Variants in GPR39 observed in about 807,000 individuals in gnomAD.
GPR39 encodes zinc sensing receptor.
GPR39 carries 23 observed loss-of-function variants against 18.4 expected under a neutral mutation model. The ratio of observed to expected loss-of-function variants is 1.25; its 90% CI spans 0.90 to 1.77. The LOEUF (loss-of-function observed/expected upper bound fraction) is 1.77. Among genes scored for constraint, GPR39 ranks in the 40% most tolerant of loss-of-function variants. GPR39 has a pLI of 0.00. For synonymous variants in GPR39, 280 were observed against 257.9 expected (o/e 1.09, Z -0.82); for missense variants, 647 against 602.4 (o/e 1.07, Z -0.78).
intron 1 of GPR39, among the ~76,000 whole-genome samples, chr2:132,422,114 C>T (rs1313956356): frequency 6.6e-6 from 1 of 152,128 alleles, no homozygotes; most frequent in East Asian, 1.9e-4. Flanking sequence ...TCTAACAAAA[C>T]CATCTGATAA....
At chr2:132,553,935 G>T (rs568699132) in intron 1 of GPR39, among the ~76,000 whole-genome samples, 3 of 152,122 alleles carry the variant, frequency 2.0e-5, no homozygotes, top group African/African-American at 7.2e-5. Flanking sequence ...AGAGGACATG[G>T]GTATTGTGGA....
At chr2:132,526,577 C>A (rs1234585520) in intron 1 of GPR39, among the ~76,000 whole-genome samples, 2 of 152,206 alleles carry the variant, frequency 1.3e-5, no homozygotes, top group Non-Finnish European at 2.9e-5. Context: ...CTTAGTGTTG[C>A]CTGCAGGCAT....
intron 1 of GPR39, among the ~76,000 whole-genome samples, chr2:132,553,682 G>T (rs1044094798): frequency 6.6e-6 from 1 of 152,120 alleles, no homozygotes; most frequent in African/African-American, 2.4e-5. Flanking sequence ...TGAGTTGGCT[G>T]CCCTCTGGGG....
At position 132,417,222 on chromosome 2, in the gene GPR39, G is replaced by A. The variant is rs1679918983; in HGVS notation, c.180G>A (p.Lys60=). Residue 60 remains lysine (K), a synonymous_variant, in exon 1 of 2, where the codon AAG becomes AAA. Coordinates refer to ENST00000329321, the MANE Select transcript of GPR39 (RefSeq NM_001508.3). ...ATIRVTQVLQ[K]KGYLQKEVTD... ...TTCGGGTCACCCAGGTGCTGCAGAA[G>A]AAAGGATACTTGCAGAAGGAGGTGA... 1 of 1,614,204 alleles carries A rather than the reference G, an allele frequency of 6.2e-7. No individual in the cohort carries two copies.
At chr2:132,482,010 A>ACTGGACCAT (rs1279989322) in intron 1 of GPR39, among the ~76,000 whole-genome samples, 3 of 152,308 alleles carry the variant, frequency 2.0e-5, no homozygotes, top group Non-Finnish European at 4.4e-5. Flanking sequence ...ATCTCTGTAG[A>ACTGGACCAT]CTGGACCATC....
intron 1 of GPR39, among the ~76,000 whole-genome samples, chr2:132,493,073 C>CTA: frequency 1.2e-4 from 1 of 8,066 alleles, no homozygotes; most frequent in East Asian, 0.014. Context: ...CATATATATA[C>CTA]CACATATATA....
chr2:132,538,582 G>A (rs930040717), intron 1 of GPR39, among the ~76,000 whole-genome samples: 3 of 152,180 alleles, frequency 2.0e-5, no homozygotes, highest in African/African-American at 7.2e-5. Context: ...TGCTGTGCTG[G>A]GAGAATCCCC....
chr2:132,618,310 A>C (rs906990599), intron 1 of GPR39, among the ~76,000 whole-genome samples: 3 of 152,144 alleles, frequency 2.0e-5, no homozygotes, highest in Non-Finnish European at 4.4e-5. Flanking sequence ...CTGGATTTTC[A>C]TTTCATTTTC....
In GPR39 at chr2:132,646,563, ACATTTT is replaced by A. The variant is rs1682096547; in HGVS notation, c.*958_*963del. The A allele has an allele frequency of 6.3e-6, 2 of 319,246 alleles. No individual in the cohort carries two copies. Among genetic ancestry groups the A allele is most frequent in the Non-Finnish European group, 1.1e-5 (2 of 176,560 alleles). The allele number at this position is 319,246 out of a possible 1,614,324, so 19.8% of individuals were successfully genotyped here. ...AAAGAGCTGTTAAATAGACTTATTT[ACATTTT>A]AAGTCAGAGTTCACACTGTGTACAA... is the stretch of plus-strand genomic sequence containing the variant. On this transcript the variant is annotated 3_prime_UTR_variant, in exon 2 of 2. Transcript: ENST00000329321.
At chr2:132,626,986 T>C (rs1405197717) in intron 1 of GPR39, among the ~76,000 whole-genome samples, 2 of 152,224 alleles carry the variant, frequency 1.3e-5, no homozygotes, top group African/African-American at 4.8e-5. Context: ...TTCCTGTGCA[T>C]TGGCAAAGGA....
At chr2:132,593,325 C>T (rs182959503) in intron 1 of GPR39, among the ~76,000 whole-genome samples, 18 of 152,230 alleles carry the variant, frequency 1.2e-4, no homozygotes, top group Middle Eastern at 3.4e-3. Context: ...TCATGTGTGC[C>T]GAAGTCCCAA....
chr2:132,614,964 T>C (rs936166793), intron 1 of GPR39, among the ~76,000 whole-genome samples: 18 of 152,320 alleles, frequency 1.2e-4, no homozygotes, highest in Non-Finnish European at 1.5e-4. Flanking sequence ...TGTCTGTCTT[T>C]TCTTCCCAGA....
At chr2:132,506,606 C>T (rs535239604) in intron 1 of GPR39, among the ~76,000 whole-genome samples, 1 of 152,286 alleles carries the variant, frequency 6.6e-6, no homozygotes, top group African/African-American at 2.4e-5. Context: ...CACCTCTTCA[C>T]AGGGCAGCAG....
intron 1 of GPR39, among the ~76,000 whole-genome samples, chr2:132,618,675 C>T (rs1046767277): frequency 1.5e-4 from 23 of 152,132 alleles, no homozygotes; most frequent in African/African-American, 5.1e-4. Context: ...TGAAGCAGAG[C>T]CCCCTTCCCA....
chr2:132,505,855 A>G (rs1349410530), intron 1 of GPR39, among the ~76,000 whole-genome samples: 4 of 152,236 alleles, frequency 2.6e-5, no homozygotes, highest in African/African-American at 7.2e-5. Flanking sequence ...TTGCGCTGCA[A>G]TAAACATGGG....
intron 1 of GPR39, among the ~76,000 whole-genome samples, chr2:132,431,981 C>A (rs950643617): frequency 3.3e-5 from 5 of 152,178 alleles, no homozygotes; most frequent in African/African-American, 1.2e-4. Context: ...TTCACTCTTT[C>A]AACCTTCCAG....
At chr2:132,523,934 TTCTCAAAATGTGATCCCA>T (rs2104769164) in intron 1 of GPR39, 1 of 152,808 alleles carries the variant, frequency 6.5e-6, no homozygotes, top group Admixed American at 6.5e-5. Flanking sequence ...AGAGCAGCAA[TTCTCAAAATGTGATCCCA>T]GACAGGCAGT....
intron 1 of GPR39, among the ~76,000 whole-genome samples, chr2:132,588,015 T>C (rs985178270): frequency 2.6e-5 from 4 of 152,186 alleles, no homozygotes; most frequent in Admixed American, 2.0e-4. Context: ...TACTTGGGCC[T>C]TCAGTATGGG....
intron 1 of GPR39, among the ~76,000 whole-genome samples, chr2:132,457,776 G>A (rs1437030818): frequency 4.6e-5 from 7 of 152,238 alleles, no homozygotes; most frequent in South Asian, 4.1e-4. Context: ...GTTGAGCTGT[G>A]GTGGGCTCCG....
Sources: allele counts gnomAD v4.1 joint callset (sites outside exome capture counted in the v4.1 genomes callset), GRCh38; gene constraint gnomAD v4.1.1; transcripts MANE v1.5; gene names NCBI Gene and HGNC (gene_info 2026-07-23, HGNC 2026-07-21).